CSMD1: variants seen among roughly 807,000 people sequenced by gnomAD.
The protein encoded by CSMD1 is CUB and sushi domain-containing protein 1.
Under a neutral mutation model 417.5 loss-of-function variants are expected in CSMD1, and 213 were observed. The ratio of observed to expected loss-of-function variants is 0.51; its 90% CI spans 0.46 to 0.57. The LOEUF (loss-of-function observed/expected upper bound fraction) is 0.57. Ranked by LOEUF, CSMD1 falls within the 20% of genes least tolerant of loss-of-function variation. CSMD1 has a pLI of 0.00. For synonymous variants in CSMD1, 2,862 were observed against 1,736.8 expected (o/e 1.65, Z -16.11); for missense variants, 6,923 against 4,529.7 (o/e 1.53, Z -15.17).
intron 10 of CSMD1, among the ~76,000 whole-genome samples, chr8:3,556,218 T>G (rs1799133873): frequency 6.6e-6 from 1 of 151,684 alleles, no homozygotes; most frequent in Non-Finnish European, 1.5e-5. Context: ...TTTGTTACAG[T>G]AGAATTTAGG....
chr8:4,929,882 G>T (rs572808630), intron 1 of CSMD1, among the ~76,000 whole-genome samples: 1 of 152,182 alleles, frequency 6.6e-6, no homozygotes, highest in Non-Finnish European at 1.5e-5. Context: ...TGGCACCACA[G>T]AATCAGTAGA....
intron 57 of CSMD1, among the ~76,000 whole-genome samples, chr8:2,968,578 T>C (rs1415747888): frequency 1.3e-5 from 2 of 152,180 alleles, no homozygotes; most frequent in Non-Finnish European, 2.9e-5. Context: ...TCATGATTAG[T>C]TTTTTTCTCT....
intron 12 of CSMD1, among the ~76,000 whole-genome samples, chr8:3,453,759 G>C (rs1190983353): frequency 6.6e-6 from 1 of 152,136 alleles, no homozygotes; most frequent in Non-Finnish European, 1.5e-5. Context: ...GAATAGGTGT[G>C]GTATGGTGCT....
At chr8:4,457,961 G>A (rs1001238478) in intron 2 of CSMD1, among the ~76,000 whole-genome samples, 1 of 152,144 alleles carries the variant, frequency 6.6e-6, no homozygotes, top group Admixed American at 6.6e-5. Flanking sequence ...GAAAAACCCA[G>A]ATGTACTTCT....
chr8:4,429,530 G>C (rs529438398), intron 2 of CSMD1, among the ~76,000 whole-genome samples: 1 of 152,158 alleles, frequency 6.6e-6, no homozygotes, highest in East Asian at 1.9e-4. Flanking sequence ...AGTTGGATCA[G>C]AAAATTGCAA....
At chr8:3,304,313 C>T (rs1021170586) in intron 25 of CSMD1, among the ~76,000 whole-genome samples, 1 of 151,992 alleles carries the variant, frequency 6.6e-6, no homozygotes, top group Non-Finnish European at 1.5e-5. Flanking sequence ...ATAAATAAGA[C>T]TTAGTAACCA....
chr8:3,953,971 G>C (rs551377776), intron 5 of CSMD1, among the ~76,000 whole-genome samples: 1 of 152,172 alleles, frequency 6.6e-6, no homozygotes, highest in African/African-American at 2.4e-5. Context: ...GAGCGCACAG[G>C]AGCCCTTCCT....
At chr8:4,691,975 C>A (rs187355673) in intron 1 of CSMD1, among the ~76,000 whole-genome samples, 2 of 152,290 alleles carry the variant, frequency 1.3e-5, no homozygotes, top group African/African-American at 4.8e-5. Context: ...TTTATGAGCT[C>A]TCCTCTGTCT....
chr8:4,953,618 G>A (rs1334333043), intron 1 of CSMD1, among the ~76,000 whole-genome samples: 1 of 151,926 alleles, frequency 6.6e-6, no homozygotes, highest in African/African-American at 2.4e-5. Flanking sequence ...AAAAAAACTT[G>A]GCAATACTCA....
chr8:3,897,182 G>T (rs962686282), intron 5 of CSMD1, among the ~76,000 whole-genome samples: 3 of 152,176 alleles, frequency 2.0e-5, no homozygotes, highest in Admixed American at 6.5e-5. Flanking sequence ...AGGGTTAGTA[G>T]CACAATGGTG....
At chr8:3,349,854 TATA>T (rs1190166113) in intron 21 of CSMD1, among the ~76,000 whole-genome samples, 7 of 135,984 alleles carry the variant, frequency 5.1e-5, no homozygotes, top group African/African-American at 1.8e-4. Flanking sequence ...TATAAATATA[TATA>T]ATTATATAAA....
intron 36 of CSMD1, 136 bp from the exon 37 acceptor site, chr8:3,181,350 T>G: frequency 1.5e-6 from 1 of 658,010 alleles, no homozygotes; most frequent in East Asian, 2.8e-5. Flanking sequence ...ATCTGAGTGT[T>G]GGTTTTATTA....
At chr8:4,207,409 C>A (rs1018471600) in intron 3 of CSMD1, among the ~76,000 whole-genome samples, 8 of 152,072 alleles carry the variant, frequency 5.3e-5, no homozygotes, top group Non-Finnish European at 1.2e-4. Flanking sequence ...ATAAGCAAAT[C>A]ATATTTTGTC....
chr8:3,651,510 C>T (rs1797856425), intron 7 of CSMD1, among the ~76,000 whole-genome samples: 2 of 152,130 alleles, frequency 1.3e-5, no homozygotes, highest in South Asian at 2.1e-4. Flanking sequence ...CATAGCTGGC[C>T]TCGGTTTCTC....
chr8:4,288,201 T>G (rs901392553), intron 3 of CSMD1, among the ~76,000 whole-genome samples: 1 of 152,258 alleles, frequency 6.6e-6, no homozygotes, highest in African/African-American at 2.4e-5. Flanking sequence ...GGTACTGCAG[T>G]GGATGGATTC....
chr8:3,942,049 T>A lies in CSMD1; in HGVS notation c.818+55854A>T, dbSNP rs552998058. Among the ~76,000 whole-genome samples the A allele has an allele frequency of 1.2e-4, 19 of 152,002 alleles. No individual in the cohort carries two copies. The South Asian group carries it at 2.5e-3, about 20-fold the overall frequency. On this transcript the variant is annotated intron_variant, in intron 5 of 69. Transcript: ENST00000635120. ...ATTCTTATAGGCGCGCAAACCCTATTGTGAATTGGGCATGCAAGGGATCTA... is the reference window on the plus strand; with the variant it reads ...ATTCTTATAGGCGCGCAAACCCTATAGTGAATTGGGCATGCAAGGGATCTA...
intron 12 of CSMD1, among the ~76,000 whole-genome samples, chr8:3,427,245 T>C (rs1018985985): frequency 6.6e-6 from 1 of 152,150 alleles, no homozygotes; most frequent in African/African-American, 2.4e-5. Context: ...TTATTTTGCT[T>C]TGAGATTTTC....
intron 5 of CSMD1, among the ~76,000 whole-genome samples, chr8:3,794,067 T>C (rs552971395): frequency 3.2e-4 from 49 of 152,304 alleles, no homozygotes; most frequent in African/African-American, 9.9e-4. Context: ...TCCACCATCA[T>C]TGGCTTCCCC....
chr8:2,998,080 G>A lies in CSMD1; in HGVS notation c.8308C>T (p.Leu2770=). ...CACTGGGCTCGAGACACGCCCTGCA[G>A]CAAATAGCCCGTGTTGCAGGTGAAA... ...VNFTCNTGYL[L]QGVSRAQCRS... is the part of the protein sequence containing the mutation. The change falls in exon 54 of 70, where the codon CTG becomes TTG. Residue 2770 remains leucine, a synonymous_variant. Transcript: ENST00000635120. 6.2e-7 allele frequency: 1 copy of A among 1,613,996 alleles called. No homozygotes were observed. Among genetic ancestry groups the A allele is most frequent in the Non-Finnish European group, 8.5e-7 (1 of 1,179,860 alleles).
Sources: gnomAD v4.1 joint callset for allele counts (sites outside exome capture counted in the v4.1 genomes callset) on GRCh38, gnomAD v4.1.1 for gene constraint, MANE v1.5 for transcripts, NCBI Gene and HGNC (gene_info 2026-07-23, HGNC 2026-07-21) for gene names.